Variants in LYRM4 observed in about 807,000 individuals in gnomAD.
The protein encoded by LYRM4 is LYR motif containing 4.
Under a neutral mutation model 11.7 loss-of-function variants are expected in LYRM4, and 9 were observed. The ratio of observed to expected loss-of-function variants is 0.77; its 90% confidence interval spans 0.46 to 1.34. The LOEUF (loss-of-function observed/expected upper bound fraction) is 1.34, where lower values mean the gene tolerates loss of function less well. Among genes scored for constraint, LYRM4 ranks in the 40% most tolerant of loss-of-function variants. LYRM4 has a pLI of 0.00. For synonymous variants in LYRM4, 42 were observed against 40.4 expected, an observed-to-expected ratio of 1.04 and a Z score of -0.15; for missense variants, 133 against 112.5, an observed-to-expected ratio of 1.18 and a Z score of -0.82.
chr6:5,148,030 G>C (rs1581378905), intron 2 of LYRM4, among the ~76,000 whole-genome samples: 1 of 152,210 alleles, frequency 6.6e-6, no homozygotes, highest in South Asian at 2.1e-4. Flanking sequence ...GCACTCCCCA[G>C]GCCACCTGCC....
intron 2 of LYRM4, among the ~76,000 whole-genome samples, chr6:5,172,110 T>C (rs1759464246): frequency 6.6e-6 from 1 of 152,146 alleles, no homozygotes; most frequent in Non-Finnish European, 1.5e-5. Flanking sequence ...ACAGGCTGCA[T>C]TCAGGAACCC....
At chr6:5,259,962 G>A (rs954287476) in intron 1 of LYRM4, among the ~76,000 whole-genome samples, 8 of 152,120 alleles carry the variant, frequency 5.3e-5, no homozygotes, top group Non-Finnish European at 1.2e-4. Context: ...AGGGGAGTGG[G>A]GAGGCGTGAG....
chr6:5,229,800 C>A (rs1369900649), intron 1 of LYRM4, among the ~76,000 whole-genome samples: 3 of 152,104 alleles, frequency 2.0e-5, no homozygotes, highest in Non-Finnish European at 4.4e-5. Flanking sequence ...CTTAAAAAAT[C>A]AATAAAATAA....
At chr6:5,255,630 T>C (rs1764630173) in intron 1 of LYRM4, among the ~76,000 whole-genome samples, 1 of 152,214 alleles carries the variant, frequency 6.6e-6, no homozygotes, top group Non-Finnish European at 1.5e-5. Flanking sequence ...CTTTGTCTTC[T>C]TGGCTCTTCT....
chr6:5,190,038 C>T (rs969890490), intron 2 of LYRM4, among the ~76,000 whole-genome samples: 8 of 152,302 alleles, frequency 5.3e-5, no homozygotes, highest in Non-Finnish European at 8.8e-5. Context: ...GAGACTCCTG[C>T]TTTCTAATTT....
intron 2 of LYRM4, among the ~76,000 whole-genome samples, chr6:5,111,446 C>T (rs12195956): frequency 0.18 from 27,436 of 152,148 alleles, 2,693 homozygotes; most frequent in African/African-American, 0.24. Flanking sequence ...AGTTATGGGA[C>T]GGCATAAGAA....
the LYRM4 span, among the ~76,000 whole-genome samples, chr6:5,076,547 G>A: frequency 6.6e-6 from 1 of 152,162 alleles, no homozygotes; most frequent in East Asian, 1.9e-4. Flanking sequence ...ACTCCAGCTG[G>A]CTGAAACCTA....
intron 2 of LYRM4, among the ~76,000 whole-genome samples, chr6:5,141,291 C>G (rs1244415726): frequency 6.6e-6 from 1 of 152,148 alleles, no homozygotes; most frequent in African/African-American, 2.4e-5. Flanking sequence ...AGGACTGTAG[C>G]CTGATTTATC....
At chr6:5,043,598 A>C in the LYRM4 span, 1 of 152,212 alleles carries the variant, frequency 6.6e-6, no homozygotes, top group East Asian at 1.9e-4. Flanking sequence ...TCCTACATGC[A>C]TACACCAAAC....
intron 2 of LYRM4, among the ~76,000 whole-genome samples, chr6:5,189,022 A>G (rs79597557): frequency 0.01 from 1,549 of 152,244 alleles, 31 homozygotes; most frequent in African/African-American, 0.034. Flanking sequence ...CAGCCTCCCA[A>G]AGTGCTGTGA....
At chr6:5,149,283 C>T (rs979314757) in intron 2 of LYRM4, among the ~76,000 whole-genome samples, 2 of 152,196 alleles carry the variant, frequency 1.3e-5, no homozygotes, top group African/African-American at 4.8e-5. Flanking sequence ...AGACGCACTG[C>T]AACAGAAAGA....
chr6:5,137,930 T>C (rs760738457), intron 2 of LYRM4, among the ~76,000 whole-genome samples: 24 of 152,134 alleles, frequency 1.6e-4, no homozygotes, highest in Non-Finnish European at 3.2e-4. Context: ...CAAACCACAA[T>C]AGCCAAGTCT....
chr6:5,154,141 G>A (rs1406167270), intron 2 of LYRM4, among the ~76,000 whole-genome samples: 1 of 152,088 alleles, frequency 6.6e-6, no homozygotes, highest in African/African-American at 2.4e-5. Flanking sequence ...TCAGTCTGGA[G>A]GTTTTAAATG....
the LYRM4 span, among the ~76,000 whole-genome samples, chr6:5,069,003 T>A: frequency 6.6e-6 from 1 of 152,152 alleles, no homozygotes; most frequent in African/African-American, 2.4e-5. Context: ...TCTTAGAGAC[T>A]CAACCTAGAT....
chr6:5,171,603 C>T (rs987328025), intron 2 of LYRM4, among the ~76,000 whole-genome samples: 5 of 152,128 alleles, frequency 3.3e-5, no homozygotes, highest in Admixed American at 6.5e-5. Flanking sequence ...AAATTTTTCC[C>T]GTACTCGATA....
At chr6:5,086,541 G>C in the LYRM4 span, 62 of 1,528,520 alleles carry the variant, frequency 4.1e-5, no homozygotes, top group African/African-American at 6.6e-4. Flanking sequence ...TGCGCTACGC[G>C]CGCCCTGCGG....
chr6:5,233,461 C>T (rs954337790), intron 1 of LYRM4, among the ~76,000 whole-genome samples: 1 of 152,170 alleles, frequency 6.6e-6, no homozygotes, highest in South Asian at 2.1e-4. Context: ...GACCTGGATT[C>T]ATTCGCAGAA....
intron 2 of LYRM4, among the ~76,000 whole-genome samples, chr6:5,120,412 G>A (rs946400498): frequency 6.6e-6 from 1 of 152,154 alleles, no homozygotes; most frequent in African/African-American, 2.4e-5. Context: ...TGGGTTCGTG[G>A]TCTCTCTGAC....
At chr6:5,111,547 G>C (rs1762882648) in intron 2 of LYRM4, among the ~76,000 whole-genome samples, 1 of 152,236 alleles carries the variant, frequency 6.6e-6, no homozygotes, top group Non-Finnish European at 1.5e-5. Flanking sequence ...GAGAAGGAAG[G>C]TATATGCTAG....
Sources: allele counts gnomAD v4.1 joint callset (sites outside exome capture counted in the v4.1 genomes callset), GRCh38; gene constraint gnomAD v4.1.1; transcripts MANE v1.5; gene names NCBI Gene and HGNC (gene_info 2026-07-23, HGNC 2026-07-21).